CDCA2: variants seen among roughly 807,000 people sequenced by gnomAD.
CDCA2 encodes the protein cell division cycle-associated protein 2.
Under a neutral mutation model 67.0 loss-of-function variants are expected in CDCA2, and 44 were observed. The observed-to-expected ratio is 0.66, with a 90% CI of 0.52 to 0.84. The LOEUF (loss-of-function observed/expected upper bound fraction) is 0.84, where lower values mean the gene tolerates loss of function less well. CDCA2 is among the 40% of genes least tolerant of loss of function. CDCA2 has a pLI of 0.00. For missense variants in CDCA2, 1,253 were observed against 1,203.2 expected, an observed-to-expected ratio of 1.04 and a Z score of -0.61; for synonymous variants, 447 against 418.7, an observed-to-expected ratio of 1.07 and a Z score of -0.82.
Position 25,507,301 on chromosome 8 carries a change from C to G in CDCA2, c.2635C>G (p.Gln879Glu), listed in dbSNP as rs1326520137. Residue 879 changes from glutamine to glutamate, a missense_variant, in exon 15 of 15, where the codon CAA becomes GAA. Gln to Glu is a conservative substitution (Grantham distance 29). Transcript: ENST00000330560. ...TAAAGATTTGTCTGATGCCATTGAG[C>G]AAACCTTTCAGAGGAGAAATAGTGA... ...LFKDLSDAIEQTFQRRNSETK... is the reference protein window; with the variant it reads ...LFKDLSDAIEETFQRRNSETK... The G allele has an allele frequency of 5.6e-6, 9 of 1,613,994 alleles. No individual in the cohort carries two copies. Among genetic ancestry groups the G allele is most frequent in the Non-Finnish European group, 7.6e-6 (9 of 1,180,032 alleles).
chr8:25,505,401 A>G (rs1482159793), intron 14 of CDCA2, among the ~76,000 whole-genome samples: 1 of 152,078 alleles, frequency 6.6e-6, no homozygotes, highest in Admixed American at 6.5e-5. Flanking sequence ...GGGTTTCACC[A>G]TGTTGGCCAG....
rs1803495020 is a variant in CDCA2, at chr8:25,479,796, A to G, written c.821-117A>G. On this transcript the variant is annotated intron_variant, in intron 7 of 14. Transcript: ENST00000330560. ...AGACGTTACTGCCCAATCAGGTTAT[A>G]TTAGGTTTGAATTTCTTCATAGCAT... 4 of 900,930 alleles carry G rather than the reference A, an allele frequency of 4.4e-6. No individual in the cohort carries two copies. The Admixed American group carries it at 6.7e-5, about 15-fold the overall frequency. 55.8% of individuals were successfully genotyped at this position (900,930 alleles called of 1,614,324 possible). A position where few individuals can be genotyped will look rare whatever the true frequency, so the allele number is the denominator to read the frequency against.
At chr8:25,461,268 CAAAAAAAAAAAA>C (rs61333775) in intron 3 of CDCA2, among the ~76,000 whole-genome samples, 4 of 95,948 alleles carry the variant, frequency 4.2e-5, no homozygotes, top group Admixed American at 2.3e-4. Flanking sequence ...ACTCTGTCTC[CAAAAAAAAAAAA>C]AAAAAAAAAA....
chr8:25,463,424 A>T (rs566288798), intron 4 of CDCA2, among the ~76,000 whole-genome samples: 1 of 152,314 alleles, frequency 6.6e-6, no homozygotes, highest in East Asian at 1.9e-4. Flanking sequence ...TGCATTGCTC[A>T]TGCATTTGTG....
chr8:25,477,219 T>C (rs539684987), intron 7 of CDCA2, among the ~76,000 whole-genome samples: 6 of 152,308 alleles, frequency 3.9e-5, no homozygotes, highest in Non-Finnish European at 7.3e-5. Context: ...TGGACGGATA[T>C]AGACATCTAC....
intron 3 of CDCA2, among the ~76,000 whole-genome samples, chr8:25,461,767 A>G (rs1802697614): frequency 1.3e-5 from 2 of 152,248 alleles, no homozygotes; most frequent in Non-Finnish European, 2.9e-5. Flanking sequence ...GTAGGAAATA[A>G]GAAACAAAAA....
At chr8:25,464,599 G>GA in intron 4 of CDCA2, among the ~76,000 whole-genome samples, 1 of 152,186 alleles carries the variant, frequency 6.6e-6, no homozygotes, top group East Asian at 1.9e-4. Flanking sequence ...AGAAAATAGA[G>GA]AAAAAACAAT....
intron 7 of CDCA2, among the ~76,000 whole-genome samples, chr8:25,470,463 A>G (rs572295645): frequency 7.9e-5 from 12 of 152,288 alleles, no homozygotes; most frequent in Middle Eastern, 3.4e-3. Flanking sequence ...CATTCTGATA[A>G]TTTATTGTAA....
chr8:25,498,560 T>G (rs2117545564), intron 13 of CDCA2, among the ~76,000 whole-genome samples: 1 of 149,762 alleles, frequency 6.7e-6, no homozygotes, highest in African/African-American at 2.4e-5. Flanking sequence ...ACACACACTC[T>G]TCTAAGAAGT....
chr8:25,460,963 C>T (rs778868988), intron 3 of CDCA2, among the ~76,000 whole-genome samples: 2 of 152,032 alleles, frequency 1.3e-5, no homozygotes, highest in Non-Finnish European at 2.9e-5. Flanking sequence ...GCAGGATGTA[C>T]CTCCTTTAAC....
intron 11 of CDCA2, among the ~76,000 whole-genome samples, chr8:25,486,543 C>G (rs143777350): frequency 1.3e-4 from 19 of 151,984 alleles, no homozygotes; most frequent in African/African-American, 3.6e-4. Context: ...TGGCTCATGC[C>G]TGTAATCCCT....
At chr8:25,487,120 G>A in intron 11 of CDCA2, 126 bp from the exon 12 acceptor site, 2 of 619,092 alleles carry the variant, frequency 3.2e-6, no homozygotes, top group Non-Finnish European at 5.7e-6. Context: ...CTGCTGCTTG[G>A]CTCCTCTTTT....
intron 7 of CDCA2, among the ~76,000 whole-genome samples, chr8:25,479,137 G>T (rs541501828): frequency 2.0e-5 from 3 of 152,064 alleles, no homozygotes; most frequent in African/African-American, 7.2e-5. Context: ...TTTAGTCCGT[G>T]TGGTTTTATC....
intron 13 of CDCA2, among the ~76,000 whole-genome samples, chr8:25,500,978 G>A (rs1369878734): frequency 6.6e-6 from 1 of 151,738 alleles, no homozygotes; most frequent in East Asian, 1.9e-4. Flanking sequence ...TTTATTTTTT[G>A]CAACTTATCT....
chr8:25,462,348 C>T (rs538922033), intron 4 of CDCA2, 140 bp downstream of exon 4: 44 of 938,624 alleles, frequency 4.7e-5, no homozygotes, highest in African/African-American at 1.8e-4. Flanking sequence ...AGTTAGCGGC[C>T]GGGCGCGGTG....
At chr8:25,503,320 T>A in intron 13 of CDCA2, 53 bp from the exon 14 acceptor site, 2 of 1,410,532 alleles carry the variant, frequency 1.4e-6, no homozygotes, top group Non-Finnish European at 2.0e-6. Flanking sequence ...GGGTCAAAAT[T>A]TTACATGGTG....
chr8:25,479,898 A>C lies in CDCA2; in HGVS notation c.821-15A>C, dbSNP rs375293745. The C allele has an allele frequency of 1.9e-6, 3 of 1,610,640 alleles. No homozygotes were observed. The highest frequency in any genetic ancestry group is 1.7e-6 in the Non-Finnish European group (2 of 1,176,866). On this transcript the variant is annotated splice_polypyrimidine_tract_variant and intron_variant, in intron 7 of 14. Transcript: ENST00000330560. Reference sequence around the variant, plus strand: ...GAGATCTTCTGCCTCTCAAGTTTACATGTTTATCTTGAAGCACTAAAGGTT... The same window carrying C: ...GAGATCTTCTGCCTCTCAAGTTTACCTGTTTATCTTGAAGCACTAAAGGTT...
In CDCA2 at chr8:25,507,347, C is replaced by T. The variant is rs749857606; in HGVS notation, c.2681C>T (p.Thr894Met). 3.7e-6 allele frequency: 6 copies of T among 1,613,760 alleles called. No individual in the cohort carries two copies. Among genetic ancestry groups the T allele is most frequent in the Admixed American group, 3.3e-5 (2 of 59,938 alleles). Reference protein sequence around the residue: ...RNSETKVRRSTRLQKDLENEG... With the variant: ...RNSETKVRRSMRLQKDLENEG... ...AGTGAAACCAAAGTGCGACGTAGCA[C>T]GAGGCTACAGAAGGATTTAGAAAAC... Residue 894 changes from threonine to methionine, a missense_variant, in exon 15 of 15, where the codon ACG (threonine) becomes ATG (methionine). Coordinates refer to ENST00000330560, the MANE Select transcript of CDCA2 (RefSeq NM_152562.4).
At chr8:25,496,755 G>A (rs1804238787) in intron 13 of CDCA2, among the ~76,000 whole-genome samples, 1 of 152,114 alleles carries the variant, frequency 6.6e-6, no homozygotes, top group Non-Finnish European at 1.5e-5. Flanking sequence ...GATTACAAGT[G>A]TTGGAGAGGA....
Sources: gnomAD v4.1 joint callset for allele counts (sites outside exome capture counted in the v4.1 genomes callset) on GRCh38, gnomAD v4.1.1 for gene constraint, MANE v1.5 for transcripts, NCBI Gene and HGNC (gene_info 2026-07-23, HGNC 2026-07-21) for gene names.